The following IL1A variants were observed in gnomAD, a reference collection of about 807,000 sequenced individuals.
The protein encoded by IL1A is interleukin 1 alpha.
In IL1A, 16 loss-of-function variants were observed where a neutral mutation model predicts 22.2. That is an observed-to-expected ratio of 0.72 (90% CI 0.49 to 1.09). The LOEUF (loss-of-function observed/expected upper bound fraction) is 1.09, where lower values mean the gene tolerates loss of function less well. IL1A is among the 50% of genes least tolerant of loss of function. The pLI, the probability that IL1A is intolerant of heterozygous loss-of-function variation, is 0.00. For missense variants in IL1A, 317 were observed against 321.8 expected (o/e 0.99, Z 0.11); for synonymous variants, 113 against 118.5 (o/e 0.95, Z 0.30).
At chr2:112,778,212 G>C (rs1283155549) in intron 5 of IL1A, 101 bp from the exon 6 acceptor site, 15 of 894,574 alleles carry the variant, frequency 1.7e-5, no homozygotes, top group Non-Finnish European at 2.4e-5. Context: ...GTGTGTGTGT[G>C]TGTGTGTGTG....
chr2:112,777,695 A>T (rs557720146), intron 6 of IL1A, among the ~76,000 whole-genome samples: 1 of 152,252 alleles, frequency 6.6e-6, no homozygotes, highest in African/African-American at 2.4e-5. Flanking sequence ...CAGATAATAG[A>T]TGTCAGTAAA....
At position 112,775,070 on chromosome 2, in the gene IL1A, C is replaced by T. The variant is rs3783588; in HGVS notation, c.813G>A (p.Ala271=). The T allele has an allele frequency of 2.2e-5, 36 of 1,612,584 alleles. No homozygotes were observed. The African/African-American group carries it at 2.5e-4, about 11-fold the overall frequency. Residue 271 remains alanine (A), a synonymous_variant, in exon 7 of 7, where the codon GCG becomes GCA. Transcript: ENST00000263339. ...ITDFQILENQ[A] is the part of the protein sequence containing the mutation. ...TGAGACAAGTGAGACTCCAGACCTACGCCTGGTTTTCCAGTATCTGAAAGT... is the reference window on the plus strand; with the variant it reads ...TGAGACAAGTGAGACTCCAGACCTATGCCTGGTTTTCCAGTATCTGAAAGT...
intron 1 of IL1A, 99 bp from the exon 2 acceptor site, chr2:112,783,877 T>G: frequency 9.9e-7 from 1 of 1,009,132 alleles, no homozygotes; most frequent in Non-Finnish European, 1.6e-6. Flanking sequence ...AAAACTTTGT[T>G]GAATGACTTA....
intron 1 of IL1A, among the ~76,000 whole-genome samples, 171 bp downstream of exon 1, chr2:112,784,272 A>G (rs1170337506): frequency 6.6e-6 from 1 of 152,248 alleles, no homozygotes; most frequent in Non-Finnish European, 1.5e-5. Context: ...GCAAAATGAG[A>G]GAATCATTTT....
chr2:112,776,269 C>G (rs1315585102), intron 6 of IL1A, among the ~76,000 whole-genome samples: 1 of 152,220 alleles, frequency 6.6e-6, no homozygotes, highest in Non-Finnish European at 1.5e-5. Context: ...CATTGTACCT[C>G]AAATGAAATC....
At position 112,783,749 on chromosome 2, in the gene IL1A, A is replaced by T. The variant is rs756928845; in HGVS notation, c.22T>A (p.Phe8Ile). Residue 8 changes from phenylalanine to isoleucine, a missense_variant, in exon 2 of 7, where the codon TTT becomes ATT. Coordinates refer to ENST00000263339, the MANE Select transcript of IL1A (RefSeq NM_000575.5). ...CTGTAACAGTTCTTCAGGTCTTCAA[A>T]CATGTCTGGAACTTTGGCCATCTTG... is the stretch of plus-strand genomic sequence containing the variant. MAKVPDM[F>I]EDLKNCYSEN... 8.1e-6 allele frequency: 13 copies of T among 1,613,936 alleles called. No individual in the cohort carries two copies. Among genetic ancestry groups the T allele is most frequent in the African/African-American group, 1.3e-5 (1 of 74,916 alleles).
chr2:112,783,592 G>C, intron 2 of IL1A, 132 bp downstream of exon 2: 1 of 690,678 alleles, frequency 1.4e-6, no homozygotes, highest in Admixed American at 2.3e-5. Context: ...AACCTGCTCT[G>C]ACTTCAGGAC....
At chr2:112,780,549 G>T (rs1681179006) in intron 4 of IL1A, among the ~76,000 whole-genome samples, 5 of 152,186 alleles carry the variant, frequency 3.3e-5, no homozygotes, top group Admixed American at 3.3e-4. Context: ...TTTTACTCAG[G>T]TAGAACTGAA....
At chr2:112,777,707 A>G (rs924052370) in intron 6 of IL1A, among the ~76,000 whole-genome samples, 4 of 152,198 alleles carry the variant, frequency 2.6e-5, no homozygotes, top group Non-Finnish European at 5.9e-5. Context: ...GTCAGTAAAG[A>G]TCAATGGAAT....
At chr2:112,783,014 T>C (rs1426115936) in intron 2 of IL1A, among the ~76,000 whole-genome samples, 1 of 152,274 alleles carries the variant, frequency 6.6e-6, no homozygotes, top group African/African-American at 2.4e-5. Context: ...TGGACTTGGC[T>C]AACAAATTGA....
intron 2 of IL1A, 82 bp downstream of exon 2, chr2:112,783,642 G>T: frequency 8.5e-7 from 1 of 1,175,238 alleles, no homozygotes; most frequent in Non-Finnish European, 1.3e-6. Context: ...CTGCCCCCAT[G>T]CTGGCCACTG....
chr2:112,783,686 C>T, intron 2 of IL1A, 38 bp downstream of exon 2: 1 of 1,569,418 alleles, frequency 6.4e-7, no homozygotes, highest in Non-Finnish European at 8.8e-7. Context: ...AGCCTTGAAA[C>T]CCTCATTAAA....
intron 4 of IL1A, among the ~76,000 whole-genome samples, chr2:112,780,314 G>A (rs781573544): frequency 9.9e-5 from 15 of 152,188 alleles, no homozygotes; most frequent in Admixed American, 2.0e-4. Flanking sequence ...TCACATGTAG[G>A]TATGTGTATA....
At chr2:112,778,204 G>GTGTGTA (rs1463228719) in intron 5 of IL1A, 93 bp from the exon 6 acceptor site, 1 of 837,336 alleles carries the variant, frequency 1.2e-6, no homozygotes, top group East Asian at 2.6e-5. Flanking sequence ...GTGTGTGTGT[G>GTGTGTA]TGTGTGTGTG....
Position 112,781,736 on chromosome 2 carries a change from A to G in IL1A, c.187T>C (p.Ser63Pro), listed in dbSNP as rs148005939. 1.9e-6 allele frequency: 3 copies of G among 1,613,948 alleles called. No individual in the cohort carries two copies. Among genetic ancestry groups the G allele is most frequent in the African/African-American group, 1.3e-5 (1 of 74,888 alleles). ...ATGCTCTCCTTGAAGGTAAGCTTGG[A>G]TGTTTTAGAGGTTTCAGAGATACTC... The part of the protein sequence containing the change: ...SLSISETSKT[S>P]KLTFKESMVV... Residue 63 changes from serine to proline, a missense_variant, in exon 4 of 7, where the codon TCC becomes CCC. Coordinates refer to ENST00000263339, the MANE Select transcript of IL1A (RefSeq NM_000575.5).
intron 6 of IL1A, among the ~76,000 whole-genome samples, chr2:112,777,128 C>G (rs1398199198): frequency 6.8e-6 from 1 of 146,946 alleles, no homozygotes; most frequent in African/African-American, 2.5e-5. Flanking sequence ...TTTGCAGCAT[C>G]TTGCTCTTTT....
At position 112,774,632 on chromosome 2, in the gene IL1A, A is replaced by G. The variant is rs997612879; in HGVS notation, c.*435T>C. Reference sequence around the variant, plus strand: ...AGGTCCCAGAAACTTATGCTATTTGATTAAGAGTTCATCAGCAACTTAAAA... The same window carrying G: ...AGGTCCCAGAAACTTATGCTATTTGGTTAAGAGTTCATCAGCAACTTAAAA... On this transcript the variant is annotated 3_prime_UTR_variant, in exon 7 of 7. Transcript: ENST00000263339. 1 of 156,166 alleles carries G rather than the reference A, an allele frequency of 6.4e-6. No individual in the cohort carries two copies. Among genetic ancestry groups the G allele is most frequent in the Non-Finnish European group, 1.4e-5 (1 of 70,334 alleles). 9.7% of individuals were successfully genotyped at this position (156,166 alleles called of 1,614,324 possible). A position where few individuals can be genotyped will look rare whatever the true frequency, so the allele number is the denominator to read the frequency against.
intron 4 of IL1A, 113 bp from the exon 5 acceptor site, chr2:112,779,779 A>G (rs1681164595): frequency 5.0e-6 from 3 of 602,984 alleles, no homozygotes; most frequent in East Asian, 3.1e-5. Context: ...GAATATTCCA[A>G]TCCAGATGAG....
intron 2 of IL1A, 135 bp downstream of exon 2, chr2:112,783,589 T>A (rs1681251004): frequency 1.5e-6 from 1 of 683,986 alleles, no homozygotes; most frequent in Admixed American, 2.3e-5. Context: ...CTGAACCTGC[T>A]CTGACTTCAG....
Sources: gnomAD v4.1 joint callset for allele counts (sites outside exome capture counted in the v4.1 genomes callset) on GRCh38, gnomAD v4.1.1 for gene constraint, MANE v1.5 for transcripts, NCBI Gene and HGNC (gene_info 2026-07-23, HGNC 2026-07-21) for gene names.